HCN1: variants seen among roughly 807,000 people sequenced by gnomAD.
HCN1 encodes the protein potassium/sodium hyperpolarization-activated cyclic nucleotide-gated channel 1.
A neutral mutation model predicts 78.9 loss-of-function variants in HCN1; 13 were observed. The observed-to-expected ratio is 0.16, with a 90% CI of 0.11 to 0.26. HCN1 has a LOEUF of 0.26. Among genes scored for constraint, HCN1 ranks in the 10% least tolerant of loss-of-function variants. The probability of loss-of-function intolerance (pLI) is 1.00; values close to 1 mark genes in which losing one functional copy is unlikely to be tolerated. For synonymous variants in HCN1, 552 were observed against 455.5 expected, an observed-to-expected ratio of 1.21 and a Z score of -2.70; for missense variants, 810 against 1,154.3, an observed-to-expected ratio of 0.70 and a Z score of 4.32.
At chr5:45,482,498 A>C (rs1308614315) in intron 2 of HCN1, among the ~76,000 whole-genome samples, 1 of 152,206 alleles carries the variant, frequency 6.6e-6, no homozygotes, top group Non-Finnish European at 1.5e-5. Context: ...TTTCCACAGC[A>C]AGACATCTGG....
chr5:45,493,064 T>C (rs1476090630), intron 2 of HCN1, among the ~76,000 whole-genome samples: 2 of 152,108 alleles, frequency 1.3e-5, no homozygotes, highest in African/African-American at 4.8e-5. Flanking sequence ...TTGTAGACTA[T>C]TTCTCATACA....
At chr5:45,624,381 C>G (rs1185344823) in intron 2 of HCN1, among the ~76,000 whole-genome samples, 1 of 151,906 alleles carries the variant, frequency 6.6e-6, no homozygotes, top group Non-Finnish European at 1.5e-5. Context: ...GAAAATAGAG[C>G]CAATGCATTA....
intron 3 of HCN1, among the ~76,000 whole-genome samples, chr5:45,416,399 C>G (rs954252055): frequency 6.6e-6 from 1 of 151,926 alleles, no homozygotes; most frequent in Non-Finnish European, 1.5e-5. Flanking sequence ...AAATATTATT[C>G]TTCACATATT....
At chr5:45,349,575 G>A (rs1746838632) in intron 5 of HCN1, among the ~76,000 whole-genome samples, 1 of 152,102 alleles carries the variant, frequency 6.6e-6, no homozygotes, top group Non-Finnish European at 1.5e-5. Flanking sequence ...AAAAATTAAA[G>A]AATGCAGGAG....
At chr5:45,420,956 A>G (rs1740214119) in intron 3 of HCN1, among the ~76,000 whole-genome samples, 1 of 152,188 alleles carries the variant, frequency 6.6e-6, no homozygotes, top group South Asian at 2.1e-4. Context: ...TTAGATACCC[A>G]AGAGAAACTC....
chr5:45,614,897 T>C (rs1744911770), intron 2 of HCN1, among the ~76,000 whole-genome samples: 4 of 151,908 alleles, frequency 2.6e-5, no homozygotes. Context: ...AATTTGGAAA[T>C]TCATCTATTG....
intron 5 of HCN1, among the ~76,000 whole-genome samples, chr5:45,310,394 G>A (rs754756754): frequency 1.3e-5 from 2 of 152,030 alleles, no homozygotes; most frequent in Non-Finnish European, 2.9e-5. Context: ...CATACATGTG[G>A]CCAACAAGCA....
intron 1 of HCN1, among the ~76,000 whole-genome samples, chr5:45,693,279 A>G (rs1184150190): frequency 6.6e-6 from 1 of 151,720 alleles, no homozygotes; most frequent in Non-Finnish European, 1.5e-5. Flanking sequence ...AATAAGATGT[A>G]AATATATTCT....
intron 1 of HCN1, among the ~76,000 whole-genome samples, chr5:45,672,558 C>A (rs1746171624): frequency 6.9e-6 from 1 of 145,128 alleles, no homozygotes. Context: ...AAGTCCTTAG[C>A]GAATTAAGTA....
At chr5:45,617,744 T>TGTAAATATTAGTA (rs1744981737) in intron 2 of HCN1, among the ~76,000 whole-genome samples, 1 of 149,612 alleles carries the variant, frequency 6.7e-6, no homozygotes, top group African/African-American at 2.4e-5. Flanking sequence ...AGAAATGTTT[T>TGTAAATATTAGTA]CATATTGTAA....
intron 7 of HCN1, among the ~76,000 whole-genome samples, chr5:45,264,487 T>A (rs1269427142): frequency 1.3e-5 from 2 of 152,198 alleles, no homozygotes; most frequent in Non-Finnish European, 2.9e-5. Flanking sequence ...CAAAATATAT[T>A]TTTGAAGATA....
chr5:45,582,572 TGA>T (rs1230509308), intron 2 of HCN1, among the ~76,000 whole-genome samples: 1 of 152,164 alleles, frequency 6.6e-6, no homozygotes, highest in African/African-American at 2.4e-5. Flanking sequence ...ATAGGAGTGG[TGA>T]GAGAGGGCAT....
chr5:45,375,828 A>T (rs1475812978), intron 4 of HCN1, among the ~76,000 whole-genome samples: 2 of 119,796 alleles, frequency 1.7e-5, no homozygotes, highest in Non-Finnish European at 3.2e-5. Flanking sequence ...ATATTTTATG[A>T]TATATCTTAT....
intron 2 of HCN1, among the ~76,000 whole-genome samples, chr5:45,472,953 TTG>T (rs1247727715): frequency 6.6e-6 from 1 of 151,904 alleles, no homozygotes; most frequent in African/African-American, 2.4e-5. Flanking sequence ...CACATCTTTT[TTG>T]TGTGTCTAGC....
chr5:45,430,023 A>T (rs1740430414), intron 3 of HCN1, among the ~76,000 whole-genome samples: 1 of 152,168 alleles, frequency 6.6e-6, no homozygotes, highest in Admixed American at 6.5e-5. Context: ...TTGAGCTATT[A>T]TAAGTACAAA....
intron 5 of HCN1, among the ~76,000 whole-genome samples, chr5:45,329,421 T>C (rs1746302769): frequency 6.6e-6 from 1 of 151,302 alleles, no homozygotes; most frequent in South Asian, 2.1e-4. Context: ...GAAAGAGTGG[T>C]GGTGTAGGGA....
intron 5 of HCN1, among the ~76,000 whole-genome samples, chr5:45,322,008 G>A (rs1746136285): frequency 6.6e-6 from 1 of 151,790 alleles, no homozygotes; most frequent in African/African-American, 2.4e-5. Context: ...GGTAAATATG[G>A]AAGAAAACAA....
At chr5:45,324,039 A>G (rs1179071044) in intron 5 of HCN1, among the ~76,000 whole-genome samples, 1 of 151,946 alleles carries the variant, frequency 6.6e-6, no homozygotes, top group Non-Finnish European at 1.5e-5. Flanking sequence ...ATGTGTCTTT[A>G]TAGCTGCATG....
intron 2 of HCN1, among the ~76,000 whole-genome samples, chr5:45,499,563 C>T (rs1436964956): frequency 6.6e-6 from 1 of 152,200 alleles, no homozygotes; most frequent in South Asian, 2.1e-4. Flanking sequence ...GTCGCTTACG[C>T]TGGGAGCTGT....
Sources: allele counts gnomAD v4.1 joint callset (sites outside exome capture counted in the v4.1 genomes callset), GRCh38; gene constraint gnomAD v4.1.1; transcripts MANE v1.5; gene names NCBI Gene and HGNC (gene_info 2026-07-23, HGNC 2026-07-21).